FOXP1: variants seen among roughly 807,000 people sequenced by gnomAD.
FOXP1 encodes the protein forkhead box P1, also known as forkhead box protein P1.
FOXP1 carries 15 observed loss-of-function variants against 98.2 expected under a neutral mutation model. The ratio of observed to expected loss-of-function variants is 0.15; its 90% CI spans 0.10 to 0.24. The LOEUF (loss-of-function observed/expected upper bound fraction) is 0.24, where lower values mean the gene tolerates loss of function less well. FOXP1 is among the 10% of genes least tolerant of loss of function. The pLI is 1.00. For synonymous variants in FOXP1, 371 were observed against 314.5 expected (o/e 1.18, Z -1.90); for missense variants, 633 against 848.5 (o/e 0.75, Z 3.15).
chr3:71,122,318 CAG>C (rs1327936227), intron 6 of FOXP1, among the ~76,000 whole-genome samples: 4 of 151,998 alleles, frequency 2.6e-5, no homozygotes, highest in Non-Finnish European at 5.9e-5. Context: ...AACATTCCAG[CAG>C]AGATAGAAGA....
At chr3:71,417,388 G>A (rs1306251099) in intron 3 of FOXP1, among the ~76,000 whole-genome samples, 3 of 152,198 alleles carry the variant, frequency 2.0e-5, no homozygotes, top group East Asian at 1.9e-4. Flanking sequence ...TGTAAGACCC[G>A]GCACCAAAAC....
rs1386510661 is a variant in FOXP1, at chr3:70,958,107, C to T, written c.*1140G>A. The T allele has an allele frequency of 5.7e-6, 2 of 348,556 alleles. No homozygotes were observed. Among genetic ancestry groups the T allele is most frequent in the Non-Finnish European group, 1.1e-5 (2 of 184,886 alleles). 21.6% of individuals were successfully genotyped at this position (348,556 alleles called of 1,614,324 possible). A position where few individuals can be genotyped will look rare whatever the true frequency, so the allele number is the denominator to read the frequency against. On this transcript the variant is annotated 3_prime_UTR_variant, in exon 21 of 21. Transcript: ENST00000649528. ...AGCCTTCCAAGGCCATATTGTCAGT[C>T]TAATTAATATGAGCTTTTTTTTTTT...
intron 7 of FOXP1, among the ~76,000 whole-genome samples, chr3:71,082,767 T>C (rs1420474444): frequency 2.6e-5 from 4 of 151,814 alleles, no homozygotes; most frequent in Non-Finnish European, 5.9e-5. Context: ...AGGAACTGAG[T>C]CCTAAAACAT....
chr3:71,107,519 T>C (rs1412586164), intron 7 of FOXP1, among the ~76,000 whole-genome samples: 2 of 152,216 alleles, frequency 1.3e-5, no homozygotes, highest in African/African-American at 4.8e-5. Flanking sequence ...GTGATAACAG[T>C]AACATCTTAA....
intron 11 of FOXP1, among the ~76,000 whole-genome samples, chr3:71,022,886 G>A (rs1002140655): frequency 6.6e-6 from 1 of 152,174 alleles, no homozygotes; most frequent in Non-Finnish European, 1.5e-5. Flanking sequence ...AGTAGGTGCT[G>A]AATGGAAATC....
intron 3 of FOXP1, among the ~76,000 whole-genome samples, chr3:71,410,222 G>A (rs1474207994): frequency 1.3e-5 from 2 of 152,118 alleles, no homozygotes; most frequent in African/African-American, 2.4e-5. Flanking sequence ...TTGTACCTAC[G>A]AGTTATTTTC....
chr3:71,325,086 T>C (rs2075609866), intron 4 of FOXP1, among the ~76,000 whole-genome samples: 1 of 148,718 alleles, frequency 6.7e-6, no homozygotes, highest in African/African-American at 2.5e-5. Flanking sequence ...GTTGTCTTGC[T>C]GTGTCATCCA....
Position 70,958,869 on chromosome 3 carries a change from C to T in FOXP1, c.*378G>A. The T allele has an allele frequency of 5.0e-6, 2 of 399,564 alleles. No homozygotes were observed. Among genetic ancestry groups the T allele is most frequent in the South Asian group, 5.4e-5 (2 of 36,914 alleles). The allele number at this position is 399,564 out of a possible 1,614,324, so 24.8% of individuals were successfully genotyped here. On this transcript the variant is annotated 3_prime_UTR_variant, in exon 21 of 21. Coordinates refer to ENST00000649528, the MANE Select transcript of FOXP1 (RefSeq NM_001349338.3). Reference sequence around the variant, plus strand: ...AGGCTTGGTCTGCAGCTTAGGTGCACAAGCTCTGTCGGGCGTCCTCAGTGT... The same window carrying T: ...AGGCTTGGTCTGCAGCTTAGGTGCATAAGCTCTGTCGGGCGTCCTCAGTGT...
intron 7 of FOXP1, among the ~76,000 whole-genome samples, chr3:71,076,445 AAG>A (rs2053820124): frequency 6.6e-6 from 1 of 152,212 alleles, no homozygotes; most frequent in Non-Finnish European, 1.5e-5. Context: ...AGAATAAGAC[AAG>A]AGTTATGCTG....
At chr3:71,536,537 T>C (rs137976747) in intron 2 of FOXP1, among the ~76,000 whole-genome samples, 197 of 151,770 alleles carry the variant, frequency 1.3e-3, no homozygotes, top group South Asian at 4.0e-3. Context: ...AATAAAGAGC[T>C]TGCATTTATC....
chr3:71,042,961 G>GT (rs908196898), intron 10 of FOXP1, among the ~76,000 whole-genome samples: 1 of 152,140 alleles, frequency 6.6e-6, no homozygotes, highest in Admixed American at 6.6e-5. Context: ...AATCCGAGTG[G>GT]TTAAGAACTG....
At chr3:71,514,731 A>G (rs2042437158) in intron 2 of FOXP1, among the ~76,000 whole-genome samples, 1 of 152,248 alleles carries the variant, frequency 6.6e-6, no homozygotes, top group African/African-American at 2.4e-5. Context: ...CCCAGCACGT[A>G]CACCACAGTT....
intron 6 of FOXP1, among the ~76,000 whole-genome samples, chr3:71,165,586 GT>G (rs1395268873): frequency 6.6e-6 from 1 of 152,200 alleles, no homozygotes; most frequent in African/African-American, 2.4e-5. Flanking sequence ...GAAGACAGAA[GT>G]TTCTTGTCTT....
intron 3 of FOXP1, among the ~76,000 whole-genome samples, chr3:71,413,569 A>T (rs1003248621): frequency 1.3e-5 from 2 of 152,192 alleles, no homozygotes; most frequent in African/African-American, 4.8e-5. Flanking sequence ...AAAAGACAAC[A>T]TATTTAACAC....
chr3:70,982,492 C>T (rs1215643721), intron 14 of FOXP1, among the ~76,000 whole-genome samples: 1 of 152,120 alleles, frequency 6.6e-6, no homozygotes, highest in Non-Finnish European at 1.5e-5. Flanking sequence ...CTGATATTTT[C>T]TACATGGCAA....
At chr3:71,434,910 C>T (rs567188299) in intron 3 of FOXP1, among the ~76,000 whole-genome samples, 1 of 152,118 alleles carries the variant, frequency 6.6e-6, no homozygotes, top group South Asian at 2.1e-4. Flanking sequence ...GACCGCCAAA[C>T]AGTTTAAAGC....
rs2280554 is a variant in FOXP1 at position 70,965,457 on chromosome 3, T to C, written c.1889+433A>G. 5.4e-4 allele frequency among the ~76,000 whole-genome samples: 82 copies of C among 152,364 alleles called. No homozygotes were observed. In the East Asian group the frequency reaches 0.013, roughly 24 times the overall value. The stretch of plus-strand genomic sequence containing the variant: ...TGCCATCATTAATGGTTGGTAATAA[T>C]GCTGCGGCGGCGTGTTCGTGGTGAA... On this transcript the variant is annotated intron_variant, in intron 20 of 20. Coordinates refer to ENST00000649528, the MANE Select transcript of FOXP1 (RefSeq NM_001349338.3).
intron 11 of FOXP1, among the ~76,000 whole-genome samples, chr3:71,023,581 T>TA (rs2045723774): frequency 6.6e-6 from 1 of 152,184 alleles, no homozygotes; most frequent in Admixed American, 6.5e-5. Flanking sequence ...AAAATGATCC[T>TA]ACTTTCCCTT....
In FOXP1 at chr3:70,995,839, A is replaced by G. The variant is rs548245063; in HGVS notation, c.1062+5133T>C. 2.0e-5 allele frequency among the ~76,000 whole-genome samples: 3 copies of G among 152,316 alleles called. No homozygotes were observed. In the South Asian group the frequency reaches 6.2e-4, roughly 32 times the overall value. Reference sequence around the variant, plus strand: ...CCTTCCCTGTTAACAAGCTCTACATAAACATTCTTTCTACCGCTAAGAAAA... The same window carrying G: ...CCTTCCCTGTTAACAAGCTCTACATGAACATTCTTTCTACCGCTAAGAAAA... On this transcript the variant is annotated intron_variant, in intron 13 of 20. Coordinates refer to ENST00000649528, the MANE Select transcript of FOXP1 (RefSeq NM_001349338.3).
Sources: gnomAD v4.1 joint callset for allele counts (sites outside exome capture counted in the v4.1 genomes callset) on GRCh38, gnomAD v4.1.1 for gene constraint, MANE v1.5 for transcripts, NCBI Gene and HGNC (gene_info 2026-07-23, HGNC 2026-07-21) for gene names.